SLC26A7: variants seen among roughly 807,000 people sequenced by gnomAD.
The protein encoded by SLC26A7 is solute carrier family 26 member 7.
A neutral mutation model predicts 82.5 loss-of-function variants in SLC26A7; 59 were observed. That is an observed-to-expected ratio of 0.72 (90% confidence interval 0.58 to 0.89). The LOEUF (loss-of-function observed/expected upper bound fraction) is 0.89, where lower values mean the gene tolerates loss of function less well. Ranked by LOEUF, SLC26A7 falls within the 40% of genes least tolerant of loss-of-function variation. SLC26A7 has a pLI of 0.00. For synonymous variants in SLC26A7, 271 were observed against 274.3 expected, an observed-to-expected ratio of 0.99 and a Z score of 0.12; for missense variants, 820 against 793.0, an observed-to-expected ratio of 1.03 and a Z score of -0.41.
chr8:91,392,557 C>T (rs942396541), intron 16 of SLC26A7, among the ~76,000 whole-genome samples: 6 of 152,210 alleles, frequency 3.9e-5, no homozygotes, highest in Admixed American at 1.3e-4. Flanking sequence ...CATATTATTT[C>T]TTAGTTCCAG....
At chr8:91,344,108 G>C in intron 9 of SLC26A7, 5 of 985,370 alleles carry the variant, frequency 5.1e-6, no homozygotes, top group Non-Finnish European at 6.0e-6. Flanking sequence ...ATATTGAGTT[G>C]TGTGCCAGGC....
At chr8:91,255,915 C>A (rs150068676) in intron 2 of SLC26A7, among the ~76,000 whole-genome samples, 1 of 152,100 alleles carries the variant, frequency 6.6e-6, no homozygotes, top group Non-Finnish European at 1.5e-5. Flanking sequence ...GGATGAGATA[C>A]GTGGTCTATC....
At chr8:91,287,849 C>A (rs965614739) in intron 2 of SLC26A7, among the ~76,000 whole-genome samples, 1 of 152,268 alleles carries the variant, frequency 6.6e-6, no homozygotes, top group East Asian at 1.9e-4. Flanking sequence ...TCAAGACCTG[C>A]CCCTTAACAC....
At chr8:91,349,429 A>T (rs193091238) in intron 9 of SLC26A7, among the ~76,000 whole-genome samples, 13 of 152,320 alleles carry the variant, frequency 8.5e-5, no homozygotes, top group Non-Finnish European at 1.8e-4. Flanking sequence ...TAAATAAAAG[A>T]TAAATTAAAT....
At chr8:91,278,421 A>C (rs933078887) in intron 2 of SLC26A7, among the ~76,000 whole-genome samples, 11 of 152,222 alleles carry the variant, frequency 7.2e-5, no homozygotes, top group African/African-American at 2.7e-4. Flanking sequence ...CATATGTAGA[A>C]GTGTTCAAAG....
At chr8:91,260,456 A>G (rs1256160325) in intron 2 of SLC26A7, among the ~76,000 whole-genome samples, 1 of 152,112 alleles carries the variant, frequency 6.6e-6, no homozygotes, top group Non-Finnish European at 1.5e-5. Context: ...TGCCTAAGCC[A>G]TACGTTCCTT....
intron 11 of SLC26A7, among the ~76,000 whole-genome samples, chr8:91,359,778 T>A (rs894774865): frequency 6.6e-6 from 1 of 152,156 alleles, no homozygotes; most frequent in Non-Finnish European, 1.5e-5. Flanking sequence ...TGCACAGACT[T>A]TTGTGGATAT....
intron 11 of SLC26A7, among the ~76,000 whole-genome samples, chr8:91,362,042 C>T (rs1814064153): frequency 6.6e-6 from 1 of 152,044 alleles, no homozygotes; most frequent in African/African-American, 2.4e-5. Flanking sequence ...TCATGGCATG[C>T]TTTTGAACCA....
intron 6 of SLC26A7, among the ~76,000 whole-genome samples, chr8:91,337,799 A>G (rs1813285552): frequency 6.6e-6 from 1 of 152,168 alleles, no homozygotes; most frequent in African/African-American, 2.4e-5. Context: ...CCTTTGTATC[A>G]TGGGAGGCAA....
intron 2 of SLC26A7, among the ~76,000 whole-genome samples, chr8:91,264,940 T>G (rs1811070304): frequency 6.6e-6 from 1 of 151,996 alleles, no homozygotes; most frequent in African/African-American, 2.4e-5. Context: ...ATATACAATA[T>G]ATTTTATTAG....
intron 10 of SLC26A7, 60 bp downstream of exon 10, chr8:91,351,947 A>G: frequency 2.4e-6 from 3 of 1,274,674 alleles, no homozygotes; most frequent in Non-Finnish European, 3.4e-6. Context: ...GAATCATTGC[A>G]TATAAAATTT....
intron 3 of SLC26A7, among the ~76,000 whole-genome samples, chr8:91,291,624 A>T (rs900420605): frequency 2.0e-5 from 3 of 152,256 alleles, no homozygotes; most frequent in African/African-American, 7.2e-5. Flanking sequence ...ACACAATTTG[A>T]ACATACTTAA....
At chr8:91,393,319 A>C (rs1283892636) in intron 16 of SLC26A7, among the ~76,000 whole-genome samples, 1 of 152,094 alleles carries the variant, frequency 6.6e-6, no homozygotes, top group Non-Finnish European at 1.5e-5. Context: ...TTTAAAATGG[A>C]AGTTGGGTAA....
intron 2 of SLC26A7, among the ~76,000 whole-genome samples, chr8:91,242,854 A>G (rs1810492523): frequency 6.6e-6 from 1 of 152,216 alleles, no homozygotes; most frequent in African/African-American, 2.4e-5. Context: ...AATAGCTAAC[A>G]TTATAAGTGA....
Position 91,393,821 on chromosome 8 carries a change from A to T in SLC26A7, c.1801A>T (p.Ser601Cys). ...GGTTTACATGGACTGTAAAGGCAGG[A>T]GTGTGGATGTATTGTTAGCCCATTG... Reference protein sequence around the residue: ...VEVYMDCKGRSVDVLLAHCTA... With the variant: ...VEVYMDCKGRCVDVLLAHCTA... Residue 601 changes from serine (S) to cysteine (C), a missense_variant, in exon 17 of 19, where the codon AGT (serine) becomes TGT (cysteine). Physicochemically the swap from Ser to Cys is moderately radical, Grantham distance 112. Coordinates refer to ENST00000276609, the MANE Select transcript of SLC26A7 (RefSeq NM_052832.4). The T allele has an allele frequency of 6.2e-7, 1 of 1,613,656 alleles. No individual in the cohort carries two copies. Among genetic ancestry groups the T allele is most frequent in the Non-Finnish European group, 8.5e-7 (1 of 1,179,618 alleles).
chr8:91,330,035 T>A (rs927928804), intron 5 of SLC26A7, among the ~76,000 whole-genome samples: 4 of 152,154 alleles, frequency 2.6e-5, no homozygotes, highest in Non-Finnish European at 5.9e-5. Flanking sequence ...TACTTTTCTT[T>A]TGAAGTAGCA....
intron 2 of SLC26A7, among the ~76,000 whole-genome samples, chr8:91,279,664 A>G (rs947454541): frequency 6.6e-6 from 1 of 152,022 alleles, no homozygotes; most frequent in Non-Finnish European, 1.5e-5. Flanking sequence ...GGTTCACGCC[A>G]TTCTCCTGCC....
intron 11 of SLC26A7, among the ~76,000 whole-genome samples, chr8:91,359,876 A>ATGTGTGTGTGTG (rs33943189): frequency 3.2e-4 from 45 of 139,390 alleles, no homozygotes; most frequent in African/African-American, 1.2e-3. Context: ...TATCCAAGAT[A>ATGTGTGTGTGTG]TGTGTGTGTG....
chr8:91,328,758 G>A (rs1419089653), intron 5 of SLC26A7, among the ~76,000 whole-genome samples: 1 of 152,080 alleles, frequency 6.6e-6, no homozygotes, highest in Non-Finnish European at 1.5e-5. Flanking sequence ...TTGTATATGT[G>A]TGTGTATGTG....
Sources: gnomAD v4.1 joint callset for allele counts (sites outside exome capture counted in the v4.1 genomes callset) on GRCh38, gnomAD v4.1.1 for gene constraint, MANE v1.5 for transcripts, NCBI Gene and HGNC (gene_info 2026-07-23, HGNC 2026-07-21) for gene names.